The following ARHGAP24 variants were observed in gnomAD, a reference collection of about 807,000 sequenced individuals.
ARHGAP24 encodes the protein Rho GTPase activating protein 24.
In ARHGAP24, 50 loss-of-function variants were observed where a neutral mutation model predicts 76.4. The observed-to-expected ratio is 0.65, with a 90% CI of 0.52 to 0.83. ARHGAP24 has a LOEUF of 0.83. Among genes scored for constraint, ARHGAP24 ranks in the 40% least tolerant of loss-of-function variants. The pLI is 0.00. For synonymous variants in ARHGAP24, 345 were observed against 323.3 expected (o/e 1.07, Z -0.72); for missense variants, 930 against 914.2 (o/e 1.02, Z -0.22).
chr4:85,875,063 T>TTATATATAATATATTTATC (rs1732801903), intron 3 of ARHGAP24, among the ~76,000 whole-genome samples: 3 of 2,232 alleles, frequency 1.3e-3, no homozygotes, highest in Non-Finnish European at 3.3e-3. Context: ...ATATATTTGT[T>TTATATATAATATATTTATC]TTATATATTA....
intron 2 of ARHGAP24, among the ~76,000 whole-genome samples, chr4:85,572,287 T>C (rs1727170083): frequency 1.3e-5 from 2 of 152,146 alleles, no homozygotes; most frequent in Admixed American, 6.5e-5. Flanking sequence ...GGGGGTCCAA[T>C]GTGGGGATTT....
intron 2 of ARHGAP24, among the ~76,000 whole-genome samples, chr4:85,708,314 G>A (rs1407064878): frequency 2.0e-5 from 3 of 152,094 alleles, no homozygotes; most frequent in Non-Finnish European, 2.9e-5. Context: ...GAAAAATGAT[G>A]TTAACAAATA....
intron 3 of ARHGAP24, among the ~76,000 whole-genome samples, chr4:85,875,894 C>T (rs11734835): frequency 0.091 from 13,762 of 150,784 alleles, 676 homozygotes; most frequent in Middle Eastern, 0.13. Context: ...AGGCATGTGC[C>T]ATCATGCCTA....
chr4:85,977,641 G>A lies in ARHGAP24; in HGVS notation c.878G>A (p.Gly293Asp). Residue 293 changes from glycine (G) to aspartate (D), a missense_variant, in exon 8 of 10, where the codon GGT becomes GAT. Gly to Asp is a moderately conservative substitution (Grantham distance 94). Coordinates refer to ENST00000395184, the MANE Select transcript of ARHGAP24 (RefSeq NM_001025616.3). ...GTGCAGAACTTGGCAACGGTCTTTG[G>A]TCCTAATATCCTGCGCCCCAAAGTG... Reference protein sequence around the residue: ...MSVQNLATVFGPNILRPKVED... With the variant: ...MSVQNLATVFDPNILRPKVED... 1.2e-6 allele frequency: 2 copies of A among 1,613,954 alleles called. No homozygotes were observed. Among genetic ancestry groups the A allele is most frequent in the Non-Finnish European group, 1.7e-6 (2 of 1,179,880 alleles).
At chr4:85,726,409 C>A (rs1226835811) in intron 3 of ARHGAP24, among the ~76,000 whole-genome samples, 1 of 152,158 alleles carries the variant, frequency 6.6e-6, no homozygotes, top group Admixed American at 6.6e-5. Flanking sequence ...GTGAGGAAAG[C>A]AGGATGCGAC....
Position 85,516,763 on chromosome 4 carries a change from A to G in ARHGAP24, c.-21+41204A>G, listed in dbSNP as rs375748063. ...AGTCTTTTGACTTTTCTTTAGCCATACAGAAGTTTCTGCCTCCCTGCCCCC... is the reference window on the plus strand; with the variant it reads ...AGTCTTTTGACTTTTCTTTAGCCATGCAGAAGTTTCTGCCTCCCTGCCCCC... On this transcript the variant is annotated intron_variant, in intron 1 of 9. Coordinates refer to ENST00000395184, the MANE Select transcript of ARHGAP24 (RefSeq NM_001025616.3). 3.3e-5 allele frequency among the ~76,000 whole-genome samples: 5 copies of G among 152,092 alleles called. No individual in the cohort carries two copies. In the East Asian group the frequency reaches 5.8e-4, roughly 18 times the overall value.
intron 2 of ARHGAP24, among the ~76,000 whole-genome samples, chr4:85,683,267 C>A (rs984791708): frequency 6.6e-6 from 1 of 151,990 alleles, no homozygotes; most frequent in Non-Finnish European, 1.5e-5. Context: ...CCATTATCAA[C>A]CTTTCCATCT....
chr4:85,970,504 G>A (rs1738906509), intron 5 of ARHGAP24, among the ~76,000 whole-genome samples: 2 of 151,738 alleles, frequency 1.3e-5, no homozygotes, highest in South Asian at 4.3e-4. Flanking sequence ...TGAGGTCCTA[G>A]CCCAGGGGTT....
chr4:85,519,804 G>A (rs1724666622), intron 1 of ARHGAP24, among the ~76,000 whole-genome samples: 1 of 117,692 alleles, frequency 8.5e-6, no homozygotes, highest in African/African-American at 3.8e-5. Context: ...ATCTTCAATG[G>A]CTACCTCTTA....
intron 2 of ARHGAP24, among the ~76,000 whole-genome samples, chr4:85,717,705 A>G (rs1724784292): frequency 6.6e-6 from 1 of 151,960 alleles, no homozygotes. Context: ...TCTTAAAACC[A>G]TTTCCTTTAT....
intron 1 of ARHGAP24, among the ~76,000 whole-genome samples, chr4:85,488,324 A>T (rs1723227082): frequency 1.3e-5 from 2 of 152,102 alleles, no homozygotes; most frequent in South Asian, 4.1e-4. Context: ...AATTTGGTGA[A>T]AGTTTAGATT....
chr4:85,603,672 G>C (rs893329460), intron 2 of ARHGAP24, among the ~76,000 whole-genome samples: 2 of 152,118 alleles, frequency 1.3e-5, no homozygotes, highest in African/African-American at 4.8e-5. Flanking sequence ...TGTAAATATA[G>C]CAGAAGATTT....
chr4:85,874,371 G>C lies in ARHGAP24; in HGVS notation c.269-49277G>C, dbSNP rs143845350. Among the ~76,000 whole-genome samples the C allele has an allele frequency of 1.4e-4, 22 of 152,272 alleles. No individual in the cohort carries two copies. In the East Asian group the frequency reaches 4.1e-3, roughly 28 times the overall value. On this transcript the variant is annotated intron_variant, in intron 3 of 9. Coordinates refer to ENST00000395184, the MANE Select transcript of ARHGAP24 (RefSeq NM_001025616.3). ...AATTAATCCATTGTTTTAAATGAGA[G>C]GGGATGTGTCTTTGCAGTTTCTAGA...
intron 1 of ARHGAP24, among the ~76,000 whole-genome samples, chr4:85,565,351 C>T (rs998771553): frequency 6.6e-6 from 1 of 152,050 alleles, no homozygotes; most frequent in Non-Finnish European, 1.5e-5. Context: ...CTCAAAGTCC[C>T]ACAAATCTCT....
At chr4:85,794,768 A>G (rs2110098427) in intron 3 of ARHGAP24, among the ~76,000 whole-genome samples, 1 of 152,374 alleles carries the variant, frequency 6.6e-6, no homozygotes, top group Non-Finnish European at 1.5e-5. Flanking sequence ...GGGGAGAGCC[A>G]CTGCACCCGA....
intron 2 of ARHGAP24, among the ~76,000 whole-genome samples, chr4:85,709,232 G>A (rs537961685): frequency 3.3e-4 from 50 of 152,202 alleles, no homozygotes; most frequent in African/African-American, 1.0e-3. Context: ...AGGTGCCTGG[G>A]AAGTAAAATT....
chr4:85,514,048 CTT>C (rs955877034), intron 1 of ARHGAP24, among the ~76,000 whole-genome samples: 2 of 152,164 alleles, frequency 1.3e-5, no homozygotes, highest in African/African-American at 4.8e-5. Context: ...TTTTGAAAGT[CTT>C]TGTGGAATGA....
chr4:85,531,072 T>A (rs1259401394), intron 1 of ARHGAP24, among the ~76,000 whole-genome samples: 1 of 152,018 alleles, frequency 6.6e-6, no homozygotes, highest in Non-Finnish European at 1.5e-5. Context: ...TTTCCTTTCT[T>A]ATGGTATATG....
intron 3 of ARHGAP24, among the ~76,000 whole-genome samples, chr4:85,782,261 C>T (rs1434058912): frequency 1.3e-5 from 2 of 151,902 alleles, no homozygotes; most frequent in Admixed American, 1.3e-4. Flanking sequence ...ATTTAATTTT[C>T]GTGTTCATAC....
Sources: allele counts gnomAD v4.1 joint callset (sites outside exome capture counted in the v4.1 genomes callset), GRCh38; gene constraint gnomAD v4.1.1; transcripts MANE v1.5; gene names NCBI Gene and HGNC (gene_info 2026-07-23, HGNC 2026-07-21).